KANSL1: variants seen among roughly 807,000 people sequenced by gnomAD.
KANSL1 encodes the protein KAT8 regulatory NSL complex subunit 1.
A neutral mutation model predicts 103.6 loss-of-function variants in KANSL1; 22 were observed. That is an observed-to-expected ratio of 0.21 (90% CI 0.15 to 0.30). The LOEUF (loss-of-function observed/expected upper bound fraction) is 0.30, where lower values mean the gene tolerates loss of function less well. KANSL1 is among the 10% of genes least tolerant of loss of function. The probability of loss-of-function intolerance (pLI) is 1.00; values close to 1 mark genes in which losing one functional copy is unlikely to be tolerated. For missense variants in KANSL1, 1,337 were observed against 1,399.8 expected, an observed-to-expected ratio of 0.96 and a Z score of 0.72; for synonymous variants, 600 against 527.6, an observed-to-expected ratio of 1.14 and a Z score of -1.88.
intron 2 of KANSL1, among the ~76,000 whole-genome samples, chr17:46,105,947 A>ACACACACAC (rs1396276906): frequency 3.5e-5 from 2 of 57,780 alleles, no homozygotes; most frequent in African/African-American, 6.6e-5. Context: ...ACACACACAC[A>ACACACACAC]CCCCCCCAGA....
intron 8 of KANSL1, 97 bp downstream of exon 8, chr17:46,039,605 C>T: frequency 7.2e-7 from 1 of 1,380,864 alleles, no homozygotes; most frequent in Non-Finnish European, 9.8e-7. Flanking sequence ...ACTGCCTCTC[C>T]CAACCCCAAC....
chr17:46,207,280 G>C (rs370260015), intron 1 of KANSL1, among the ~76,000 whole-genome samples: 1 of 152,184 alleles, frequency 6.6e-6, no homozygotes, highest in African/African-American at 2.4e-5. Context: ...GGGAGTCCAA[G>C]GCGGGTGGAT....
At chr17:46,180,712 AG>A (rs1461046443) in intron 1 of KANSL1, among the ~76,000 whole-genome samples, 2 of 152,018 alleles carry the variant, frequency 1.3e-5, no homozygotes, top group Non-Finnish European at 2.9e-5. Context: ...AAACAAAGAC[AG>A]CAGAGGCCAG....
intron 1 of KANSL1, among the ~76,000 whole-genome samples, chr17:46,191,061 ATG>A (rs535887314): frequency 1.9e-4 from 29 of 152,272 alleles, no homozygotes; most frequent in Non-Finnish European, 2.8e-4. Flanking sequence ...TTAATTCAAA[ATG>A]TTTTTTCAAA....
At chr17:46,177,013 C>T (rs2732646) in intron 1 of KANSL1, among the ~76,000 whole-genome samples, 21,959 of 152,100 alleles carry the variant, frequency 0.14, 2,139 homozygotes, top group Non-Finnish European at 0.22. Flanking sequence ...TTTATTGACT[C>T]GAAATACTAT....
At chr17:46,195,573 T>C (rs1195050551), upstream of KANSL1, among the ~76,000 whole-genome samples, 1 of 152,256 alleles carries the variant, frequency 6.6e-6, no homozygotes, top group African/African-American at 2.4e-5. Flanking sequence ...ACTTGTACTT[T>C]TATTTTTTTG....
intron 2 of KANSL1, among the ~76,000 whole-genome samples, chr17:46,126,372 G>A (rs908682576): frequency 2.0e-5 from 3 of 152,134 alleles, no homozygotes; most frequent in African/African-American, 7.2e-5. Context: ...AACCCAGGAG[G>A]CGGAGGTTGC....
At position 46,051,838 on chromosome 17, in the gene KANSL1, T is replaced by C. The variant is rs571147221; in HGVS notation, c.1849-1134A>G. Among the ~76,000 whole-genome samples the C allele has an allele frequency of 1.4e-4, 21 of 152,314 alleles. No individual in the cohort carries two copies. The East Asian group carries it at 2.9e-3, about 21-fold the overall frequency. On this transcript the variant is annotated intron_variant, in intron 6 of 14. Coordinates refer to ENST00000432791, the MANE Select transcript of KANSL1 (RefSeq NM_015443.4). ...TATGGATTTGTGTAAGAGAAAGATATACATAAGAACAATGTGGTCTTTATC... is the reference window on the plus strand; with the variant it reads ...TATGGATTTGTGTAAGAGAAAGATACACATAAGAACAATGTGGTCTTTATC...
intron 4 of KANSL1, among the ~76,000 whole-genome samples, chr17:46,077,111 G>C (rs1240184132): frequency 6.6e-6 from 1 of 152,212 alleles, no homozygotes; most frequent in Non-Finnish European, 1.5e-5. Context: ...AAGTACAGTA[G>C]CATGATCTCA....
At chr17:46,139,090 A>G (rs1037214851) in intron 2 of KANSL1, among the ~76,000 whole-genome samples, 1 of 152,224 alleles carries the variant, frequency 6.6e-6, no homozygotes, top group Admixed American at 6.5e-5. Flanking sequence ...AGGCAGAAAA[A>G]TGGAAAACCA....
At position 46,104,021 on chromosome 17, in the gene KANSL1, C is replaced by G. The variant is rs528589819; in HGVS notation, c.1290-9320G>C. ...CTAGCCTGGGCGACAGAGTGAGACT[C>G]TGTCTCAAAAATAAACAAACAAACA... On this transcript the variant is annotated intron_variant, in intron 2 of 14. Coordinates refer to ENST00000432791, the MANE Select transcript of KANSL1 (RefSeq NM_015443.4). Among the ~76,000 whole-genome samples the G allele has an allele frequency of 4.6e-5, 7 of 152,258 alleles. No homozygotes were observed. The South Asian group carries it at 1.4e-3, about 31-fold the overall frequency.
At chr17:46,183,591 C>CAGGGGAG (rs2046889806) in intron 1 of KANSL1, among the ~76,000 whole-genome samples, 1 of 137,538 alleles carries the variant, frequency 7.3e-6, no homozygotes, top group South Asian at 2.2e-4. Context: ...AGAGAGGAGA[C>CAGGGGAG]AGGGGAGAGG....
chr17:46,194,515 A>G (rs1204080928), upstream of KANSL1, among the ~76,000 whole-genome samples: 2 of 152,258 alleles, frequency 1.3e-5, no homozygotes, highest in African/African-American at 4.8e-5. Flanking sequence ...TAAAGAATTC[A>G]TAAACATAAT....
chr17:46,220,547 A>C (rs1428661298), intron 1 of KANSL1, among the ~76,000 whole-genome samples: 1 of 152,228 alleles, frequency 6.6e-6, no homozygotes, highest in Non-Finnish European at 1.5e-5. Flanking sequence ...AATTTTTAAA[A>C]TCTGATACAA....
intron 1 of KANSL1, among the ~76,000 whole-genome samples, chr17:46,191,820 T>C (rs1190278144): frequency 2.0e-5 from 3 of 152,132 alleles, no homozygotes; most frequent in Non-Finnish European, 4.4e-5. Context: ...GGATTGTGAA[T>C]GGAGGGGAGG....
chr17:46,166,466 C>T (rs1029700385), intron 2 of KANSL1, among the ~76,000 whole-genome samples: 4 of 151,350 alleles, frequency 2.6e-5, no homozygotes, highest in Non-Finnish European at 5.9e-5. Flanking sequence ...GAGCCAAGAT[C>T]GCGCCACTGC....
At chr17:46,092,278 T>C (rs1218910897) in intron 3 of KANSL1, among the ~76,000 whole-genome samples, 1 of 152,254 alleles carries the variant, frequency 6.6e-6, no homozygotes, top group Non-Finnish European at 1.5e-5. Context: ...TTAGAAATAC[T>C]TTTCAGATAT....
chr17:46,204,833 A>G (rs1314108112), intron 1 of KANSL1, among the ~76,000 whole-genome samples: 7 of 152,264 alleles, frequency 4.6e-5, no homozygotes, highest in Non-Finnish European at 8.8e-5. Flanking sequence ...TTAATAAAGG[A>G]TACAAACCAC....
intron 1 of KANSL1, among the ~76,000 whole-genome samples, chr17:46,202,798 T>G (rs2147987457): frequency 6.6e-6 from 1 of 152,366 alleles, no homozygotes; most frequent in East Asian, 1.9e-4. Flanking sequence ...ATTCAATATT[T>G]TCCACCATAT....
Sources: gnomAD v4.1 joint callset for allele counts (sites outside exome capture counted in the v4.1 genomes callset) on GRCh38, gnomAD v4.1.1 for gene constraint, MANE v1.5 for transcripts, NCBI Gene and HGNC (gene_info 2026-07-23, HGNC 2026-07-21) for gene names.